Variants in TANGO6 observed in about 807,000 individuals in gnomAD.
The protein encoded by TANGO6 is transport and Golgi organization protein 6 homolog.
A neutral mutation model predicts 114.2 loss-of-function variants in TANGO6; 90 were observed. The ratio of observed to expected loss-of-function variants is 0.79; its 90% CI spans 0.66 to 0.94. The LOEUF is 0.94. TANGO6 is among the 40% of genes least tolerant of loss of function. TANGO6 has a pLI of 0.00. For missense variants in TANGO6, 1,274 were observed against 1,315.3 expected, an observed-to-expected ratio of 0.97 and a Z score of 0.49; for synonymous variants, 477 against 509.8, an observed-to-expected ratio of 0.94 and a Z score of 0.87.
intron 17 of TANGO6, among the ~76,000 whole-genome samples, chr16:69,044,029 G>A (rs914921097): frequency 7.2e-5 from 11 of 152,138 alleles, no homozygotes; most frequent in African/African-American, 2.4e-4. Flanking sequence ...AGAGTTTTGT[G>A]CAGCCAACAC....
chr16:69,064,840 T>A (rs938983034), intron 17 of TANGO6, among the ~76,000 whole-genome samples: 2 of 152,184 alleles, frequency 1.3e-5, no homozygotes, highest in Non-Finnish European at 2.9e-5. Flanking sequence ...GTGAGCCTTT[T>A]TCAGATGCTG....
rs1415109246 is a variant in TANGO6, at chr16:68,860,479, G to A, written c.690G>A (p.Leu230=). 2 of 1,613,918 alleles carry A rather than the reference G, an allele frequency of 1.2e-6. No individual in the cohort carries two copies. Among genetic ancestry groups the A allele is most frequent in the Non-Finnish European group, 1.7e-6 (2 of 1,179,888 alleles). Residue 230 remains leucine (L), a synonymous_variant, in exon 2 of 18, where the codon CTG becomes CTA. Coordinates refer to ENST00000261778, the MANE Select transcript of TANGO6 (RefSeq NM_024562.2). ...FGDIAAGLCQ[L]GFCPTKRKLL... ...ATATCGCAGCAGGTCTGTGCCAACT[G>A]GGATTCTGCCCAACCAAAAGAAAAC...
chr16:68,982,624 C>T (rs763269444), intron 15 of TANGO6, among the ~76,000 whole-genome samples: 3 of 127,796 alleles, frequency 2.3e-5, no homozygotes, highest in African/African-American at 3.6e-5. Flanking sequence ...GCCACCATGC[C>T]CTGGCCTTTT....
chr16:68,899,698 C>G (rs958127308), intron 7 of TANGO6, among the ~76,000 whole-genome samples: 1 of 152,116 alleles, frequency 6.6e-6, no homozygotes, highest in Non-Finnish European at 1.5e-5. Flanking sequence ...TTCCTGGGCT[C>G]AAGCGATCCT....
chr16:69,016,794 G>A (rs1261895851), intron 15 of TANGO6, among the ~76,000 whole-genome samples: 2 of 151,992 alleles, frequency 1.3e-5, no homozygotes, highest in African/African-American at 2.4e-5. Flanking sequence ...TGAGTAGCTG[G>A]GACCACAGGC....
intron 17 of TANGO6, among the ~76,000 whole-genome samples, chr16:69,078,484 C>T (rs2152244942): frequency 6.6e-6 from 1 of 152,264 alleles, no homozygotes; most frequent in Middle Eastern, 3.4e-3. Context: ...TTCCATTCGC[C>T]ATCTCCAGTG....
intron 17 of TANGO6, among the ~76,000 whole-genome samples, chr16:69,051,718 C>T (rs929701852): frequency 4.0e-5 from 6 of 150,786 alleles, no homozygotes; most frequent in South Asian, 2.1e-4. Flanking sequence ...GCCAGGCATG[C>T]GCCTGTAATC....
At chr16:68,877,768 C>T (rs183817103) in intron 5 of TANGO6, among the ~76,000 whole-genome samples, 124 of 152,078 alleles carry the variant, frequency 8.2e-4, no homozygotes, top group Middle Eastern at 6.8e-3. Context: ...CCACCACACT[C>T]GGCTAAGATT....
chr16:69,054,337 AG>A (rs1959999252), intron 17 of TANGO6, among the ~76,000 whole-genome samples: 1 of 152,176 alleles, frequency 6.6e-6, no homozygotes, highest in Non-Finnish European at 1.5e-5. Context: ...GAGTAGTAGA[AG>A]AGGGCTCAGG....
chr16:68,862,810 G>A (rs1401700017), intron 2 of TANGO6, 135 bp from the exon 3 acceptor site: 2 of 693,070 alleles, frequency 2.9e-6, no homozygotes, highest in African/African-American at 1.8e-5. Context: ...TCCCCCATGT[G>A]GAAGGAAATC....
At chr16:68,852,487 G>C (rs1488678779) in intron 1 of TANGO6, among the ~76,000 whole-genome samples, 1 of 152,062 alleles carries the variant, frequency 6.6e-6, no homozygotes, top group Admixed American at 6.6e-5. Flanking sequence ...TGACCTGGCT[G>C]ATGTCCATAT....
chr16:69,030,817 G>A (rs1055695753), intron 16 of TANGO6, among the ~76,000 whole-genome samples: 7 of 151,714 alleles, frequency 4.6e-5, no homozygotes, highest in South Asian at 2.1e-4. Context: ...TTTAGGAGGC[G>A]GAGGTGGGCA....
intron 15 of TANGO6, among the ~76,000 whole-genome samples, chr16:68,991,529 T>C (rs535766967): frequency 5.0e-4 from 76 of 152,204 alleles, no homozygotes; most frequent in Non-Finnish European, 9.1e-4. Flanking sequence ...TAATCCTAAC[T>C]ACTCAGGAGG....
intron 17 of TANGO6, among the ~76,000 whole-genome samples, chr16:69,068,821 C>A (rs927254482): frequency 1.1e-4 from 16 of 152,204 alleles, no homozygotes; most frequent in African/African-American, 3.9e-4. Context: ...TCAAGCAATT[C>A]TTCTGCCTCA....
intron 17 of TANGO6, among the ~76,000 whole-genome samples, chr16:69,074,265 C>CTG (rs576659614): frequency 0.011 from 1,645 of 149,810 alleles, 24 homozygotes; most frequent in African/African-American, 0.026. Flanking sequence ...ACCATTAGTG[C>CTG]TGTGTGTGTG....
At chr16:68,939,984 G>A (rs371456715) in intron 14 of TANGO6, among the ~76,000 whole-genome samples, 2 of 151,768 alleles carry the variant, frequency 1.3e-5, no homozygotes, top group Non-Finnish European at 2.9e-5. Context: ...GCTGGATTCT[G>A]ATTTGGTCTG....
chr16:69,047,180 C>A (rs75102714), intron 17 of TANGO6, among the ~76,000 whole-genome samples: 241 of 104,432 alleles, frequency 2.3e-3, no homozygotes, highest in Middle Eastern at 6.3e-3. Context: ...GACTCTGTCT[C>A]AAAAAAAAAA....
chr16:69,027,809 C>A (rs931629672), intron 16 of TANGO6, among the ~76,000 whole-genome samples: 1 of 144,276 alleles, frequency 6.9e-6, no homozygotes, highest in Non-Finnish European at 1.5e-5. Flanking sequence ...GAGACGAATT[C>A]TTGCTCTGTC....
chr16:68,964,551 A>T (rs978865919), intron 14 of TANGO6, among the ~76,000 whole-genome samples: 1 of 151,434 alleles, frequency 6.6e-6, no homozygotes, highest in East Asian at 1.9e-4. Context: ...ACAGTTATTT[A>T]AAAACATATT....
Sources: allele counts gnomAD v4.1 joint callset (sites outside exome capture counted in the v4.1 genomes callset), GRCh38; gene constraint gnomAD v4.1.1; transcripts MANE v1.5; gene names NCBI Gene and HGNC (gene_info 2026-07-23, HGNC 2026-07-21).